Variants in ENOX1 observed in about 807,000 individuals in gnomAD.
ENOX1 encodes candidate growth-related and time keeping constitutive hydroquinone (NADH) oxidase.
A neutral mutation model predicts 82.5 loss-of-function variants in ENOX1; 42 were observed. The observed-to-expected ratio is 0.51, with a 90% confidence interval of 0.40 to 0.66. The LOEUF is 0.66. ENOX1 is among the 30% of genes least tolerant of loss of function. The pLI, the probability that ENOX1 is intolerant of heterozygous loss-of-function variation, is 0.00. For synonymous variants in ENOX1, 271 were observed against 282.2 expected (o/e 0.96, Z 0.40); for missense variants, 608 against 811.6 (o/e 0.75, Z 3.05).
At chr13:43,424,613 C>G (rs2055175017) in intron 3 of ENOX1, among the ~76,000 whole-genome samples, 1 of 152,148 alleles carries the variant, frequency 6.6e-6, no homozygotes, top group South Asian at 2.1e-4. Flanking sequence ...AAGCATTAGC[C>G]CTGCAGTCAT....
intron 2 of ENOX1, among the ~76,000 whole-genome samples, chr13:43,495,638 G>A (rs1221267760): frequency 7.9e-6 from 1 of 126,968 alleles, no homozygotes; most frequent in East Asian, 2.0e-4. Context: ...AATAAACAAA[G>A]CTATTACAAA....
intron 2 of ENOX1, among the ~76,000 whole-genome samples, chr13:43,540,282 T>C (rs547082484): frequency 3.3e-5 from 5 of 152,252 alleles, no homozygotes; most frequent in African/African-American, 1.2e-4. Flanking sequence ...ACTTCAAACA[T>C]GTATTATGAG....
intron 1 of ENOX1, among the ~76,000 whole-genome samples, chr13:43,676,635 A>AC (rs1337283254): frequency 3.3e-5 from 5 of 151,672 alleles, no homozygotes; most frequent in African/African-American, 1.2e-4. Flanking sequence ...TTTCCAAAGG[A>AC]CCCCTACCTT....
At chr13:43,372,373 A>C (rs564925109) in intron 5 of ENOX1, among the ~76,000 whole-genome samples, 2 of 152,340 alleles carry the variant, frequency 1.3e-5, no homozygotes, top group East Asian at 3.9e-4. Context: ...TTAATATGGC[A>C]TCTGGAAGGC....
intron 9 of ENOX1, among the ~76,000 whole-genome samples, chr13:43,341,591 A>T (rs1181225395): frequency 6.6e-6 from 1 of 152,228 alleles, no homozygotes; most frequent in Non-Finnish European, 1.5e-5. Flanking sequence ...AGCTAGGGAC[A>T]GTGAATATTC....
intron 14 of ENOX1, among the ~76,000 whole-genome samples, chr13:43,239,942 CAAGAT>C (rs533074126): frequency 2.0e-5 from 3 of 152,124 alleles, no homozygotes; most frequent in Non-Finnish European, 4.4e-5. Flanking sequence ...TTCAGTTGAA[CAAGAT>C]AAGGACAATT....
At chr13:43,671,536 C>T (rs187147445) in intron 1 of ENOX1, among the ~76,000 whole-genome samples, 41 of 152,322 alleles carry the variant, frequency 2.7e-4, no homozygotes, top group Admixed American at 2.3e-3. Context: ...ATGATACTCT[C>T]TACACATACC....
intron 2 of ENOX1, among the ~76,000 whole-genome samples, chr13:43,618,974 TA>T (rs1159624483): frequency 5.0e-5 from 6 of 119,910 alleles, no homozygotes; most frequent in Admixed American, 1.1e-4. Flanking sequence ...GGTATAGTCC[TA>T]AATTTTTTTT....
chr13:43,453,517 G>A (rs565078920), intron 3 of ENOX1, among the ~76,000 whole-genome samples: 10 of 152,238 alleles, frequency 6.6e-5, no homozygotes, highest in East Asian at 1.9e-4. Context: ...TAATATCTGC[G>A]GCAATCCCTG....
intron 15 of ENOX1, among the ~76,000 whole-genome samples, chr13:43,227,792 G>T (rs949687722): frequency 1.3e-5 from 2 of 152,086 alleles, no homozygotes; most frequent in Admixed American, 6.6e-5. Flanking sequence ...TTCAGCAATT[G>T]CCACTAGATA....
intron 3 of ENOX1, among the ~76,000 whole-genome samples, chr13:43,416,240 GGGT>G (rs763359390): frequency 4.6e-4 from 63 of 137,826 alleles, no homozygotes; most frequent in Non-Finnish European, 7.2e-4. Flanking sequence ...CCCAGATGAT[GGGT>G]GGCCGGGCAG....
chr13:43,465,854 C>A (rs1998473), intron 3 of ENOX1, among the ~76,000 whole-genome samples: 1 of 151,946 alleles, frequency 6.6e-6, no homozygotes, highest in Non-Finnish European at 1.5e-5. Flanking sequence ...ACCTGGCTTG[C>A]ACCACCTACC....
chr13:43,578,744 G>A (rs1247952875), intron 2 of ENOX1, among the ~76,000 whole-genome samples: 1 of 152,120 alleles, frequency 6.6e-6, no homozygotes, highest in Non-Finnish European at 1.5e-5. Context: ...TGCTTTGTCT[G>A]CAACCACCCT....
intron 2 of ENOX1, among the ~76,000 whole-genome samples, chr13:43,646,515 A>G (rs145164318): frequency 1.3e-5 from 2 of 152,332 alleles, no homozygotes; most frequent in East Asian, 3.9e-4. Context: ...ACTGAAATGA[A>G]GGAAGTGAAG....
At chr13:43,334,681 T>C (rs934676191) in intron 9 of ENOX1, among the ~76,000 whole-genome samples, 2 of 152,122 alleles carry the variant, frequency 1.3e-5, no homozygotes, top group Non-Finnish European at 2.9e-5. Flanking sequence ...CAAAAGTGTA[T>C]TGAGGAACAT....
chr13:43,402,939 T>C (rs926435663), intron 5 of ENOX1, among the ~76,000 whole-genome samples: 1 of 152,178 alleles, frequency 6.6e-6, no homozygotes, highest in Non-Finnish European at 1.5e-5. Flanking sequence ...CTCAGCTTAT[T>C]GGGCTGTTAA....
intron 2 of ENOX1, among the ~76,000 whole-genome samples, chr13:43,522,089 T>C (rs1011089491): frequency 3.3e-5 from 5 of 152,110 alleles, no homozygotes; most frequent in Non-Finnish European, 1.5e-5. Flanking sequence ...CTGGTGCTCA[T>C]TGGAGTGTGC....
intron 1 of ENOX1, among the ~76,000 whole-genome samples, chr13:43,685,873 AACACACAC>A (rs60259011): frequency 0.012 from 1,644 of 141,524 alleles, 32 homozygotes; most frequent in African/African-American, 0.041. Context: ...CCCAGAAGGA[AACACACAC>A]ACACACACAC....
intron 3 of ENOX1, among the ~76,000 whole-genome samples, chr13:43,421,637 T>G (rs1381612886): frequency 1.3e-5 from 2 of 152,172 alleles, no homozygotes; most frequent in African/African-American, 4.8e-5. Context: ...AAAGGAGATA[T>G]ATACTCTTTC....
Sources: allele counts gnomAD v4.1 joint callset (sites outside exome capture counted in the v4.1 genomes callset), GRCh38; gene constraint gnomAD v4.1.1; transcripts MANE v1.5; gene names NCBI Gene and HGNC (gene_info 2026-07-23, HGNC 2026-07-21).